Variants in INSC observed in about 807,000 individuals in gnomAD.
INSC encodes INSC spindle orientation adaptor protein.
In INSC, 67 loss-of-function variants were observed where a neutral mutation model predicts 58.6. The observed-to-expected ratio is 1.14, with a 90% CI of 0.94 to 1.40. The LOEUF is 1.40. Ranked by LOEUF, INSC falls within the 40% of genes most tolerant of loss-of-function variation. INSC has a pLI of 0.00. For synonymous variants in INSC, 262 were observed against 276.1 expected (o/e 0.95, Z 0.51); for missense variants, 714 against 692.0 (o/e 1.03, Z -0.36).
At chr11:15,196,155 C>T (rs767977538) in intron 6 of INSC, among the ~76,000 whole-genome samples, 3 of 152,200 alleles carry the variant, frequency 2.0e-5, no homozygotes, top group Non-Finnish European at 4.4e-5. Flanking sequence ...ACATGGGCCA[C>T]ACCCTCCAGA....
chr11:15,180,405 CT>C (rs1200032043), intron 5 of INSC, among the ~76,000 whole-genome samples: 1 of 152,106 alleles, frequency 6.6e-6, no homozygotes, highest in East Asian at 1.9e-4. Flanking sequence ...ATCTTTGATG[CT>C]TTAGGTCAGA....
intron 12 of INSC, chr11:15,241,636 C>A: frequency 2.8e-6 from 2 of 702,882 alleles, no homozygotes; most frequent in Non-Finnish European, 5.2e-6. Context: ...TTTATTTTGG[C>A]ACATTCAAGG....
At chr11:15,256,011 T>C in the INSC span, among the ~76,000 whole-genome samples, 2 of 152,216 alleles carry the variant, frequency 1.3e-5, no homozygotes, top group African/African-American at 4.8e-5. Context: ...TGCAGACATA[T>C]CCCACCATCA....
rs187750659 is a variant in INSC at position 15,192,746 on chromosome 11, G to C, written c.693+1932G>C. ...TCCAGAAACAGGTTCACTGGATGTG[G>C]AGTATTTTAAATAACCTCCCTTATT... On this transcript the variant is annotated intron_variant, in intron 6 of 12. Coordinates refer to ENST00000379556, the MANE Select transcript of INSC (RefSeq NM_001042536.3). Among the ~76,000 whole-genome samples the C allele has an allele frequency of 1.2e-3, 185 of 152,284 alleles. 4 individuals carry two copies. The highest frequency in any genetic ancestry group is 0.012 in the Admixed American group (185 of 15,294).
chr11:15,171,887 T>A (rs753866471), intron 2 of INSC, among the ~76,000 whole-genome samples: 5 of 152,182 alleles, frequency 3.3e-5, no homozygotes, highest in Admixed American at 2.0e-4. Flanking sequence ...GGGCAAGGAA[T>A]TGGATTAGTG....
intron 1 of INSC, among the ~76,000 whole-genome samples, chr11:15,117,868 T>C (rs964478245): frequency 1.1e-4 from 17 of 152,172 alleles, no homozygotes; most frequent in Non-Finnish European, 2.2e-4. Context: ...CCCATCTCTG[T>C]GCTGGCTCAG....
intron 2 of INSC, among the ~76,000 whole-genome samples, chr11:15,159,964 A>T (rs1848957110): frequency 6.6e-6 from 1 of 152,236 alleles, no homozygotes; most frequent in Admixed American, 6.5e-5. Flanking sequence ...AAAAATGTTT[A>T]AATGTAATTA....
At chr11:15,153,888 C>T (rs1009432880) in intron 2 of INSC, among the ~76,000 whole-genome samples, 1 of 152,196 alleles carries the variant, frequency 6.6e-6, no homozygotes, top group African/African-American at 2.4e-5. Flanking sequence ...GGAGTCTTGC[C>T]TCCCCTGGGT....
At chr11:15,158,240 G>A (rs1487538458) in intron 2 of INSC, among the ~76,000 whole-genome samples, 4 of 150,798 alleles carry the variant, frequency 2.7e-5, no homozygotes, top group African/African-American at 2.4e-5. Context: ...AATGCTTTTC[G>A]TGGCTCCAAG....
intron 1 of INSC, among the ~76,000 whole-genome samples, chr11:15,146,114 C>A (rs1360235029): frequency 3.3e-5 from 5 of 152,216 alleles, no homozygotes; most frequent in African/African-American, 1.2e-4. Context: ...CAGTGCCTGG[C>A]ACATAACACA....
At chr11:15,177,296 T>C in intron 4 of INSC, 133 bp downstream of exon 4, 1 of 714,736 alleles carries the variant, frequency 1.4e-6, no homozygotes, top group Admixed American at 2.5e-5. Context: ...TTTTTCTGAC[T>C]TTTATCAGAA....
the INSC span, among the ~76,000 whole-genome samples, chr11:15,261,295 T>C: frequency 1.3e-5 from 2 of 152,212 alleles, no homozygotes; most frequent in Admixed American, 1.3e-4. Context: ...CAGTTCTTTC[T>C]ATACCCCATA....
chr11:15,226,868 C>T (rs149129652), intron 9 of INSC, among the ~76,000 whole-genome samples: 179 of 152,288 alleles, frequency 1.2e-3, no homozygotes, highest in African/African-American at 4.0e-3. Flanking sequence ...GGGCATGATC[C>T]ATGTTCCCTA....
chr11:15,112,520 C>T (rs765794666), upstream of INSC: 7 of 1,610,116 alleles, frequency 4.3e-6, no homozygotes, highest in African/African-American at 9.4e-5. Flanking sequence ...GTCCAGGTGG[C>T]TGGGGTCTAT....
At chr11:15,146,323 C>T (rs991716560) in intron 1 of INSC, among the ~76,000 whole-genome samples, 2 of 152,212 alleles carry the variant, frequency 1.3e-5, no homozygotes, top group African/African-American at 4.8e-5. Flanking sequence ...AGGACTGTTC[C>T]TAATCCCACA....
At chr11:15,129,670 ACT>A (rs2133702091) in intron 1 of INSC, among the ~76,000 whole-genome samples, 1 of 152,156 alleles carries the variant, frequency 6.6e-6, no homozygotes, top group South Asian at 2.1e-4. Context: ...TCTAAATTTT[ACT>A]CTGTTTATGC....
chr11:15,250,473 T>A (rs931031586), downstream of INSC, among the ~76,000 whole-genome samples: 1 of 152,226 alleles, frequency 6.6e-6, no homozygotes, highest in Non-Finnish European at 1.5e-5. Context: ...ACCCAGTACT[T>A]CATTTTCCTT....
chr11:15,114,795 G>C (rs1269254141), upstream of INSC: 1 of 263,722 alleles, frequency 3.8e-6, no homozygotes, highest in African/African-American at 2.3e-5. Flanking sequence ...GGCTTGGCAG[G>C]GAGCGCGCTG....
chr11:15,264,099 G>A, the INSC span, among the ~76,000 whole-genome samples: 1 of 132,284 alleles, frequency 7.6e-6, no homozygotes, highest in Non-Finnish European at 1.6e-5. Context: ...CTTTTTCAAA[G>A]GTCAGTAGCC....
Sources: gnomAD v4.1 joint callset for allele counts (sites outside exome capture counted in the v4.1 genomes callset) on GRCh38, gnomAD v4.1.1 for gene constraint, MANE v1.5 for transcripts, NCBI Gene and HGNC (gene_info 2026-07-23, HGNC 2026-07-21) for gene names.